The following RANBP2 variants were observed in gnomAD, a reference collection of about 807,000 sequenced individuals.
The protein encoded by RANBP2 is E3 SUMO-protein ligase RanBP2.
A neutral mutation model predicts 303.6 loss-of-function variants in RANBP2; 57 were observed. The observed-to-expected ratio is 0.19, with a 90% CI of 0.15 to 0.23. The LOEUF is 0.23. RANBP2 is among the 10% of genes least tolerant of loss of function. The pLI is 1.00. For synonymous variants in RANBP2, 1,167 were observed against 1,301.5 expected (o/e 0.90, Z 2.23); for missense variants, 3,138 against 3,780.8 (o/e 0.83, Z 4.46).
At chr2:109,140,298 G>A in the RANBP2 span, among the ~76,000 whole-genome samples, 1 of 152,098 alleles carries the variant, frequency 6.6e-6, no homozygotes, top group Non-Finnish European at 1.5e-5. Flanking sequence ...CTCTTTTGCC[G>A]GTTCTTTGTG....
chr2:109,608,636 T>C, the RANBP2 span, among the ~76,000 whole-genome samples: 1 of 152,236 alleles, frequency 6.6e-6, no homozygotes, highest in African/African-American at 2.4e-5. Context: ...ATAAGTGCTA[T>C]ATCCCAAGCT....
chr2:109,658,339 C>T, the RANBP2 span, among the ~76,000 whole-genome samples: 10 of 151,066 alleles, frequency 6.6e-5, no homozygotes, highest in Non-Finnish European at 1.0e-4. Flanking sequence ...CCCAGCTACT[C>T]GAGAGGCTGA....
chr2:108,927,911 C>G, the RANBP2 span, among the ~76,000 whole-genome samples: 1 of 152,172 alleles, frequency 6.6e-6, no homozygotes, highest in Non-Finnish European at 1.5e-5. Context: ...GAATCTCTTT[C>G]CCCTTCTGAG....
At chr2:109,582,599 G>T in the RANBP2 span, among the ~76,000 whole-genome samples, 46 of 152,200 alleles carry the variant, frequency 3.0e-4, no homozygotes, top group African/African-American at 1.1e-3. Context: ...AGGATTACAG[G>T]CGTAAGGCAC....
At chr2:108,925,587 G>C in the RANBP2 span, among the ~76,000 whole-genome samples, 1 of 152,114 alleles carries the variant, frequency 6.6e-6, no homozygotes, top group African/African-American at 2.4e-5. Context: ...AACCTATCAA[G>C]TCACTCAGTT....
chr2:109,028,945 G>A, the RANBP2 span, among the ~76,000 whole-genome samples: 8 of 151,746 alleles, frequency 5.3e-5, no homozygotes, highest in African/African-American at 1.7e-4. Flanking sequence ...TTATTTGTTT[G>A]TTTATTTATT....
rs1472902212 is a variant in RANBP2 at position 108,751,318 on chromosome 2, A to G, written c.1328A>G (p.Gln443Arg). The G allele has an allele frequency of 2.5e-6, 4 of 1,611,868 alleles. No individual in the cohort carries two copies. The Admixed American group carries it at 5.0e-5, about 20-fold the overall frequency. ...CAGCACCTTACTTGGCTTGGCTTAC[A>G]GTGGAATTCATTGCCTGCTTTACCT... ...SLQHLTWLGL[Q>R]WNSLPALPGI... Residue 443 changes from glutamine to arginine, a missense_variant, in exon 10 of 29, where the codon CAG (glutamine) becomes CGG (arginine). Physicochemically the swap from Gln to Arg is conservative, Grantham distance 43. Transcript: ENST00000283195.
At chr2:109,444,179 A>T in the RANBP2 span, among the ~76,000 whole-genome samples, 26 of 152,358 alleles carry the variant, frequency 1.7e-4, no homozygotes, top group Non-Finnish European at 3.4e-4. Flanking sequence ...ATCAAAAGGG[A>T]TATTATAACG....
the RANBP2 span, among the ~76,000 whole-genome samples, chr2:109,436,357 G>A: frequency 3.3e-5 from 5 of 152,288 alleles, no homozygotes; most frequent in African/African-American, 4.8e-5. Context: ...TGGAAACTTC[G>A]GAGTGAAAGG....
At chr2:108,950,995 T>C in the RANBP2 span, among the ~76,000 whole-genome samples, 1 of 152,228 alleles carries the variant, frequency 6.6e-6, no homozygotes, top group Non-Finnish European at 1.5e-5. Flanking sequence ...TGCCATCCAT[T>C]GTCCAGCATC....
At chr2:109,521,087 G>A in the RANBP2 span, among the ~76,000 whole-genome samples, 154 of 152,072 alleles carry the variant, frequency 1.0e-3, no homozygotes, top group African/African-American at 3.7e-3. Context: ...CGTGGTGGCG[G>A]GCACCTGTAG....
At chr2:109,335,071 G>A in the RANBP2 span, among the ~76,000 whole-genome samples, 1 of 152,186 alleles carries the variant, frequency 6.6e-6, no homozygotes, top group Admixed American at 6.5e-5. Context: ...TCTCTGCCTG[G>A]GATCATGGTG....
At chr2:109,132,800 C>G in the RANBP2 span, among the ~76,000 whole-genome samples, 9 of 152,110 alleles carry the variant, frequency 5.9e-5, no homozygotes, top group Non-Finnish European at 1.3e-4. Flanking sequence ...CAAGAAAATC[C>G]CTTTAACATC....
At chr2:109,111,497 C>T in the RANBP2 span, among the ~76,000 whole-genome samples, 2 of 152,092 alleles carry the variant, frequency 1.3e-5, no homozygotes, top group Non-Finnish European at 2.9e-5. Context: ...GCCACACTGA[C>T]TCTGAGTCTC....
At chr2:109,017,034 A>G in the RANBP2 span, among the ~76,000 whole-genome samples, 1 of 152,242 alleles carries the variant, frequency 6.6e-6, no homozygotes, top group African/African-American at 2.4e-5. Context: ...CATGCAAAGC[A>G]TGGCACCAGG....
chr2:109,546,204 G>A, the RANBP2 span: 1 of 1,602,250 alleles, frequency 6.2e-7, no homozygotes, highest in Non-Finnish European at 8.5e-7. Context: ...TCTTCTTGGT[G>A]AAGTCTCTTA....
chr2:109,210,364 T>G, the RANBP2 span, among the ~76,000 whole-genome samples: 1 of 152,336 alleles, frequency 6.6e-6, no homozygotes, highest in South Asian at 2.1e-4. Context: ...ATCTGTGAAG[T>G]CCAAAGCGGG....
At chr2:109,567,675 T>C in the RANBP2 span, 8 of 783,604 alleles carry the variant, frequency 1.0e-5, no homozygotes, top group Non-Finnish European at 1.5e-5. Flanking sequence ...CATTTTCTCA[T>C]ACTGGACTTT....
the RANBP2 span, among the ~76,000 whole-genome samples, chr2:108,965,625 T>C: frequency 1.3e-5 from 2 of 152,084 alleles, no homozygotes; most frequent in Admixed American, 6.5e-5. Flanking sequence ...CCTCTTACCT[T>C]TGGGTGTCTG....
Sources: allele counts gnomAD v4.1 joint callset (sites outside exome capture counted in the v4.1 genomes callset), GRCh38; gene constraint gnomAD v4.1.1; transcripts MANE v1.5; gene names NCBI Gene and HGNC (gene_info 2026-07-23, HGNC 2026-07-21).